Variants in DIAPH3 observed in about 807,000 individuals in gnomAD.
DIAPH3 encodes protein diaphanous homolog 3.
DIAPH3 carries 117 observed loss-of-function variants against 144.3 expected under a neutral mutation model. That is an observed-to-expected ratio of 0.81 (90% CI 0.70 to 0.95). DIAPH3 has a LOEUF of 0.95. Ranked by LOEUF, DIAPH3 falls within the 40% of genes least tolerant of loss-of-function variation. The pLI is 0.00. For synonymous variants in DIAPH3, 519 were observed against 488.9 expected, an observed-to-expected ratio of 1.06 and a Z score of -0.81; for missense variants, 1,421 against 1,412.7, an observed-to-expected ratio of 1.01 and a Z score of -0.09.
At chr13:59,899,140 C>T (rs2046295528) in intron 20 of DIAPH3, among the ~76,000 whole-genome samples, 1 of 152,152 alleles carries the variant, frequency 6.6e-6, no homozygotes, top group South Asian at 2.1e-4. Context: ...AGACTAAAGG[C>T]TGCAGTGCCA....
chr13:60,051,246 G>T (rs1349120575), intron 4 of DIAPH3, among the ~76,000 whole-genome samples: 5 of 152,034 alleles, frequency 3.3e-5, no homozygotes, highest in Admixed American at 3.3e-4. Context: ...TATATATATG[G>T]TAATGTTTGC....
chr13:60,092,090 C>A (rs9317098), intron 4 of DIAPH3, among the ~76,000 whole-genome samples: 37,663 of 151,874 alleles, frequency 0.25, 5,506 homozygotes, highest in Admixed American at 0.38. Flanking sequence ...GTCCTCCCAC[C>A]TTGACTTCTC....
At chr13:60,150,040 G>C (rs977417068) in intron 1 of DIAPH3, among the ~76,000 whole-genome samples, 1 of 151,928 alleles carries the variant, frequency 6.6e-6, no homozygotes, top group African/African-American at 2.4e-5. Context: ...TTTATTTTTT[G>C]AGACAGGATC....
At position 59,666,762 on chromosome 13, in the gene DIAPH3, T is replaced by A. The variant is rs1185934045; in HGVS notation, c.3404A>T (p.Glu1135Val). The A allele has an allele frequency of 6.2e-7, 1 of 1,614,050 alleles. No individual in the cohort carries two copies. Among genetic ancestry groups the A allele is most frequent in the Admixed American group, 1.7e-5 (1 of 60,000 alleles). ...ATGAGTGTCTAGATTATAATTAAGC[T>A]CCTTGGCGACTGGAGTCCTTGTTGA... ...CNSTRTPVAK[E>V]LNYNLDTHTS... The change falls in exon 28 of 28, where the codon GAG (glutamate) becomes GTG (valine). Residue 1135 changes from glutamate to valine, a missense_variant. Transcript: ENST00000400324.
At chr13:59,748,523 C>A (rs900507359) in intron 27 of DIAPH3, among the ~76,000 whole-genome samples, 2 of 152,170 alleles carry the variant, frequency 1.3e-5, no homozygotes, top group African/African-American at 4.8e-5. Context: ...CATTATTGAT[C>A]CATTTGTTTA....
intron 1 of DIAPH3, among the ~76,000 whole-genome samples, chr13:60,151,033 G>A (rs1302726554): frequency 6.6e-6 from 1 of 151,108 alleles, no homozygotes; most frequent in African/African-American, 2.4e-5. Flanking sequence ...CCTCTGGTGT[G>A]TGTCCCACTG....
chr13:60,056,522 CTGTCTA>C (rs1407525785), intron 4 of DIAPH3, among the ~76,000 whole-genome samples: 2 of 151,754 alleles, frequency 1.3e-5, no homozygotes, highest in Non-Finnish European at 3.0e-5. Flanking sequence ...TTTCCTAGCT[CTGTCTA>C]TAAGGGCCTA....
At chr13:59,958,552 G>A (rs751769591) in intron 17 of DIAPH3, among the ~76,000 whole-genome samples, 1 of 151,850 alleles carries the variant, frequency 6.6e-6, no homozygotes, top group African/African-American at 2.4e-5. Context: ...AAATGCCAAT[G>A]GCTCTTTAGG....
At chr13:59,819,674 A>C (rs1241170866) in intron 24 of DIAPH3, among the ~76,000 whole-genome samples, 2 of 151,862 alleles carry the variant, frequency 1.3e-5, no homozygotes, top group Non-Finnish European at 3.0e-5. Flanking sequence ...TGAGTCCTGA[A>C]CAAGCACTCA....
At chr13:59,837,367 C>T (rs2042091895) in intron 23 of DIAPH3, among the ~76,000 whole-genome samples, 1 of 151,992 alleles carries the variant, frequency 6.6e-6, no homozygotes, top group Non-Finnish European at 1.5e-5. Flanking sequence ...CGACATCATT[C>T]AGTTTCTTGT....
chr13:60,003,774 G>T (rs1971575), intron 9 of DIAPH3, among the ~76,000 whole-genome samples: 80,860 of 151,374 alleles, frequency 0.53, 22,129 homozygotes, highest in Admixed American at 0.6. Flanking sequence ...TAGAGACGGG[G>T]TTTCACCAGG....
At chr13:59,906,422 T>G (rs1004842075) in intron 20 of DIAPH3, among the ~76,000 whole-genome samples, 1 of 152,194 alleles carries the variant, frequency 6.6e-6, no homozygotes, top group African/African-American at 2.4e-5. Context: ...TTGTGTGGAA[T>G]GAAAAGAGGT....
intron 21 of DIAPH3, among the ~76,000 whole-genome samples, chr13:59,863,577 A>G (rs929376831): frequency 2.6e-5 from 4 of 152,172 alleles, no homozygotes; most frequent in African/African-American, 7.2e-5. Flanking sequence ...AAAAACTATC[A>G]TAGAGCCGGG....
chr13:60,034,866 T>C (rs1028904323), intron 5 of DIAPH3: 5 of 152,176 alleles, frequency 3.3e-5, no homozygotes, highest in African/African-American at 1.2e-4. Context: ...ATTTAACTAA[T>C]CTAGACATAC....
chr13:59,802,644 A>ATAT lies in DIAPH3; in HGVS notation c.3163+8141_3163+8143dup, dbSNP rs777931224. On this transcript the variant is annotated intron_variant, in intron 25 of 27. Transcript: ENST00000400324. ...AACAGAGTCTATGACTTATTGATCTATATTATTATTATTATTATTATTATT... is the reference window on the plus strand; with the variant it reads ...AACAGAGTCTATGACTTATTGATCTATATTATTATTATTATTATTATTATTATT... Among the ~76,000 whole-genome samples the ATAT allele has an allele frequency of 9.8e-3, 606 of 61,560 alleles. 52 individuals carry two copies. The highest frequency in any genetic ancestry group is 0.021 in the African/African-American group (275 of 13,324). 40.4% of individuals were successfully genotyped at this position (61,560 alleles called of 152,430 possible).
chr13:59,734,004 T>C (rs2036018438), intron 27 of DIAPH3, among the ~76,000 whole-genome samples: 1 of 152,248 alleles, frequency 6.6e-6, no homozygotes, highest in Admixed American at 6.5e-5. Flanking sequence ...GGCTAATACA[T>C]ACATGCCTTC....
chr13:59,953,827 C>G (rs565085275), intron 17 of DIAPH3, among the ~76,000 whole-genome samples: 3 of 151,952 alleles, frequency 2.0e-5, no homozygotes, highest in South Asian at 2.1e-4. Flanking sequence ...TTCCTCAGGA[C>G]CATAAATCTG....
intron 27 of DIAPH3, among the ~76,000 whole-genome samples, chr13:59,727,688 T>C (rs562532605): frequency 2.0e-5 from 3 of 152,300 alleles, no homozygotes; most frequent in South Asian, 4.1e-4. Context: ...TGGCTCTTAT[T>C]TCTATGGTTA....
intron 3 of DIAPH3, among the ~76,000 whole-genome samples, chr13:60,105,111 A>ACAAAAAAAAC (rs755455815): frequency 2.0e-5 from 3 of 149,080 alleles, no homozygotes; most frequent in Non-Finnish European, 3.0e-5. Flanking sequence ...AAAAAAAAAA[A>ACAAAAAAAAC]AAAAAAAAAA....
Sources: allele counts gnomAD v4.1 joint callset (sites outside exome capture counted in the v4.1 genomes callset), GRCh38; gene constraint gnomAD v4.1.1; transcripts MANE v1.5; gene names NCBI Gene and HGNC (gene_info 2026-07-23, HGNC 2026-07-21).